TBC1D9B: variants seen among roughly 807,000 people sequenced by gnomAD.
TBC1D9B encodes TBC1 domain family, member 9B (with GRAM domain).
Under a neutral mutation model 121.1 loss-of-function variants are expected in TBC1D9B, and 87 were observed. The ratio of observed to expected loss-of-function variants is 0.72; its 90% CI spans 0.60 to 0.86. TBC1D9B has a LOEUF of 0.86. Ranked by LOEUF, TBC1D9B falls within the 40% of genes least tolerant of loss-of-function variation. The pLI is 0.00. For synonymous variants in TBC1D9B, 668 were observed against 670.1 expected (o/e 1.00, Z 0.05); for missense variants, 1,540 against 1,628.6 (o/e 0.95, Z 0.94).
At chr5:179,899,781 G>A (rs1761117936) in intron 2 of TBC1D9B, among the ~76,000 whole-genome samples, 1 of 152,182 alleles carries the variant, frequency 6.6e-6, no homozygotes, top group Non-Finnish European at 1.5e-5. Context: ...CTTCCTACAA[G>A]ACTCCAGGCC....
chr5:179,888,871 C>A (rs1367248788), intron 6 of TBC1D9B, among the ~76,000 whole-genome samples: 1 of 151,952 alleles, frequency 6.6e-6, no homozygotes, highest in Admixed American at 6.6e-5. Flanking sequence ...CCAGGGGAGG[C>A]GGCCACTGAG....
At chr5:179,868,116 C>A (rs1428476657) in intron 17 of TBC1D9B, 1 of 283,508 alleles carries the variant, frequency 3.5e-6, no homozygotes, top group African/African-American at 2.2e-5. Flanking sequence ...CAGCTCACTG[C>A]AAGCTCCGCC....
rs1224987430 is a variant in TBC1D9B, at chr5:179,870,571, T to A, written c.2485-76A>T. On this transcript the variant is annotated intron_variant, in intron 15 of 20. Coordinates refer to ENST00000355235, the MANE Select transcript of TBC1D9B (RefSeq NM_015043.4). ...AGGGGACCCCTAGGCTGGTGGTGTG[T>A]CCACCCTCCCCCTCTGTCCAAGCCT... 7.2e-5 allele frequency: 108 copies of A among 1,500,598 alleles called. No homozygotes were observed. In the East Asian group the frequency reaches 2.6e-3, roughly 36 times the overall value. 93.0% of individuals were successfully genotyped at this position (1,500,598 alleles called of 1,614,324 possible).
chr5:179,877,664 C>CAAAAAAAAAA (rs564753950), intron 10 of TBC1D9B, among the ~76,000 whole-genome samples: 48 of 66,108 alleles, frequency 7.3e-4, no homozygotes, highest in East Asian at 1.1e-3. Context: ...GATTCTATCT[C>CAAAAAAAAAA]AAAAAAAAAA....
chr5:179,886,200 C>T (rs964340389), intron 7 of TBC1D9B, among the ~76,000 whole-genome samples: 6 of 152,196 alleles, frequency 3.9e-5, no homozygotes, highest in Non-Finnish European at 8.8e-5. Context: ...GCCCTTATCA[C>T]TGCCTGACAT....
chr5:179,896,086 T>G (rs555928052), intron 3 of TBC1D9B, among the ~76,000 whole-genome samples: 1 of 120,690 alleles, frequency 8.3e-6, no homozygotes, highest in East Asian at 4.8e-4. Context: ...GTATTTATCT[T>G]CTCACAGTTT....
At chr5:179,869,928 GC>G in intron 16 of TBC1D9B, 94 bp from the exon 17 acceptor site, 1 of 1,238,252 alleles carries the variant, frequency 8.1e-7, no homozygotes, top group Non-Finnish European at 1.1e-6. Flanking sequence ...AGCCTGTGCT[GC>G]CCAACTCCCT....
chr5:179,888,035 G>T, intron 7 of TBC1D9B, 68 bp downstream of exon 7: 2 of 1,585,768 alleles, frequency 1.3e-6, no homozygotes, highest in Admixed American at 3.3e-5. Context: ...CTCCAGCGGG[G>T]AGGCTGATGG....
Position 179,873,179 on chromosome 5 carries a change from G to A in TBC1D9B, c.2256C>T (p.Ser752=). The A allele has an allele frequency of 1.2e-6, 2 of 1,613,356 alleles. No individual in the cohort carries two copies. The highest frequency in any genetic ancestry group is 8.5e-7 in the Non-Finnish European group (1 of 1,179,774). Residue 752 remains serine, a synonymous_variant, in exon 13 of 21, where the codon AGC becomes AGT. Coordinates refer to ENST00000355235, the MANE Select transcript of TBC1D9B (RefSeq NM_015043.4). ...CCTCTGCAGGGGGGTCATCGCTGCT[G>A]CTCAGCAAGGCACGGAGGTGCGGGA... ...PPIPHLRALL[S]SSDDPPAEVD...
chr5:179,885,458 G>A lies in TBC1D9B; in HGVS notation c.1254+2645C>T, dbSNP rs1561642136. On this transcript the variant is annotated intron_variant, in intron 7 of 20. Coordinates refer to ENST00000355235, the MANE Select transcript of TBC1D9B (RefSeq NM_015043.4). This position sits in a 1 kb window ranked among gnomAD's most constrained non-coding sequence, Gnocchi z 4.5. ...TACAAAATAAGCCGGGCGTGGTGGT[G>A]GACGCCTGTAATCCCAGCTACTCGG... Among the ~76,000 whole-genome samples, 2 of 151,846 alleles carry A rather than the reference G, an allele frequency of 1.3e-5. No individual in the cohort carries two copies. The highest frequency in any genetic ancestry group is 6.6e-5 in the Admixed American group (1 of 15,236).
rs773567433 is a variant in TBC1D9B at position 179,879,758 on chromosome 5, T to G, written c.1286A>C (p.Gln429Pro). 1.2e-6 allele frequency: 2 copies of G among 1,613,610 alleles called. No homozygotes were observed. The highest frequency in any genetic ancestry group is 1.3e-5 in the African/African-American group (1 of 74,932). Residue 429 changes from glutamine (Q) to proline (P), a missense_variant, in exon 8 of 21, where the codon CAG (glutamine) becomes CCG (proline). Gln to Pro is a moderately conservative substitution (Grantham distance 76, BLOSUM62 -1). Transcript: ENST00000355235. Reference sequence around the variant, plus strand: ...GAGGGGAGAGGCTGGGCTGGCGGGCTGCTCCGACCCCTCCTGAGGAGCTGG... The same window carrying G: ...GAGGGGAGAGGCTGGGCTGGCGGGCGGCTCCGACCCCTCCTGAGGAGCTGG... Reference protein sequence around the residue: ...SSPAPQEGSEQPASPASPLSS... With the variant: ...SSPAPQEGSEPPASPASPLSS...
At chr5:179,894,295 TG>T in intron 4 of TBC1D9B, 90 bp downstream of exon 4, 1 of 1,213,114 alleles carries the variant, frequency 8.2e-7, no homozygotes, top group Non-Finnish European at 1.2e-6. Context: ...GAGACCCCTC[TG>T]GTGGCCATGT....
chr5:179,875,875 C>A lies in TBC1D9B; in HGVS notation c.1900+45G>T. The stretch of plus-strand genomic sequence containing the variant: ...AGGGCTGCCACCCTCATGGAACCAG[C>A]AGGCACCTGGAGACCCAGGCGAGGC... On this transcript the variant is annotated intron_variant, in intron 11 of 20. Transcript: ENST00000355235. The surrounding 1 kb of genome is among the most constrained non-coding windows in gnomAD (Gnocchi z 4.5). 1 of 1,492,442 alleles carries A rather than the reference C, an allele frequency of 6.7e-7. No individual in the cohort carries two copies. The highest frequency in any genetic ancestry group is 9.0e-7 in the Non-Finnish European group (1 of 1,105,488). 92.4% of individuals were successfully genotyped at this position (1,492,442 alleles called of 1,614,324 possible).
At chr5:179,869,629 T>C (rs748567094) in intron 17 of TBC1D9B, 140 bp downstream of exon 17, 4 of 906,408 alleles carry the variant, frequency 4.4e-6, no homozygotes, top group Middle Eastern at 4.2e-4. Flanking sequence ...TCCCGCTCCC[T>C]CTCCTCCAAT....
intron 1 of TBC1D9B, among the ~76,000 whole-genome samples, chr5:179,906,023 G>T (rs1449610861): frequency 6.6e-6 from 1 of 152,216 alleles, no homozygotes; most frequent in Non-Finnish European, 1.5e-5. Flanking sequence ...GGGATAACAG[G>T]CGCGTGCCAC....
At chr5:179,898,433 C>T (rs954746436) in intron 3 of TBC1D9B, among the ~76,000 whole-genome samples, 33 of 150,080 alleles carry the variant, frequency 2.2e-4, no homozygotes, top group Non-Finnish European at 3.7e-4. Context: ...GATTACAGGC[C>T]TGAGCCACCG....
intron 6 of TBC1D9B, among the ~76,000 whole-genome samples, chr5:179,889,395 G>T (rs1188254006): frequency 6.6e-6 from 1 of 152,130 alleles, no homozygotes; most frequent in South Asian, 2.1e-4. Context: ...AGGTCTGAGA[G>T]GGGGAGAGGC....
At chr5:179,898,828 G>T (rs1351400681) in intron 3 of TBC1D9B, among the ~76,000 whole-genome samples, 3 of 152,214 alleles carry the variant, frequency 2.0e-5, no homozygotes, top group Admixed American at 2.0e-4. Context: ...AAGGGCATGT[G>T]TCTTTTAAAA....
Position 179,862,959 on chromosome 5 carries a change from TC to T in TBC1D9B, c.*488del. 1 of 250,866 alleles carries T rather than the reference TC, an allele frequency of 4.0e-6. No homozygotes were observed. The highest frequency in any genetic ancestry group is 4.6e-5 in the South Asian group (1 of 21,614). The allele number at this position is 250,866 out of a possible 1,614,324, so 15.5% of individuals were successfully genotyped here. A position where few individuals can be genotyped will look rare whatever the true frequency, so the allele number is the denominator to read the frequency against. On this transcript the variant is annotated 3_prime_UTR_variant, in exon 21 of 21. Transcript: ENST00000355235. ...TGTTCCTCAGTCAGGAGGTTCAGGC[TC>T]CCGGAGAGCACCTGAGGGTTCCATC... is the stretch of plus-strand genomic sequence containing the variant.
Sources: gnomAD v4.1 joint callset for allele counts (sites outside exome capture counted in the v4.1 genomes callset) on GRCh38, gnomAD v4.1.1 for gene constraint, Gnocchi (gnomAD v3.1) non-coding constraint, MANE v1.5 for transcripts, NCBI Gene and HGNC (gene_info 2026-07-23, HGNC 2026-07-21) for gene names.